Variants in PADI2 observed in about 807,000 individuals in gnomAD.
PADI2 encodes the protein protein-arginine deiminase type-2.
PADI2 carries 70 observed loss-of-function variants against 81.1 expected under a neutral mutation model. The ratio of observed to expected loss-of-function variants is 0.86; its 90% CI spans 0.71 to 1.05. The LOEUF (loss-of-function observed/expected upper bound fraction) is 1.05, where lower values mean the gene tolerates loss of function less well. PADI2 is among the 50% of genes least tolerant of loss of function. The pLI is 0.00. For synonymous variants in PADI2, 338 were observed against 358.0 expected (o/e 0.94, Z 0.63); for missense variants, 853 against 889.9 (o/e 0.96, Z 0.53).
At chr1:17,075,180 G>T (rs901336687) in intron 12 of PADI2, 14 of 454,030 alleles carry the variant, frequency 3.1e-5, no homozygotes, top group Non-Finnish European at 5.5e-5. Context: ...AGGTGGACTT[G>T]GACAGGACAT....
rs1418311219 is a variant in PADI2 at position 17,068,877 on chromosome 1, T to C, written c.*167A>G. ...CACTGGGGATGGCTTCAGAGGACAC[T>C]GAGGCCCCTCTCAGGGAGGGCAAGG... On this transcript the variant is annotated 3_prime_UTR_variant, in exon 16 of 16. Transcript: ENST00000375486. 1 of 623,378 alleles carries C rather than the reference T, an allele frequency of 1.6e-6. No homozygotes were observed. Among genetic ancestry groups the C allele is most frequent in the East Asian group, 2.7e-5 (1 of 36,692 alleles). The allele number at this position is 623,378 out of a possible 1,614,324, so 38.6% of individuals were successfully genotyped here.
Position 17,088,925 on chromosome 1 carries a change from A to C in PADI2, c.656-2226T>G, listed in dbSNP as rs11203296. On this transcript the variant is annotated intron_variant, in intron 6 of 15. Transcript: ENST00000375486. ...CCATCTCAAAAAAAAAAAAAAAAAA[A>C]AAAAAACCAAGCCTCAGAGAATTCA... is the stretch of plus-strand genomic sequence containing the variant. Among the ~76,000 whole-genome samples the C allele has an allele frequency of 1.1e-3, 89 of 83,356 alleles. 1 individual carries two copies. Among genetic ancestry groups the C allele is most frequent in the Middle Eastern group, 8.5e-3 (1 of 118 alleles). The allele number at this position is 83,356 out of a possible 152,430, so 54.7% of individuals were successfully genotyped here.
intron 11 of PADI2, among the ~76,000 whole-genome samples, chr1:17,077,052 C>T (rs1365154001): frequency 6.6e-6 from 1 of 152,164 alleles, no homozygotes; most frequent in Non-Finnish European, 1.5e-5. Context: ...ACCTGCTACA[C>T]TTGCTATCCC....
At chr1:17,114,961 T>G (rs762639153) in intron 1 of PADI2, among the ~76,000 whole-genome samples, 26 of 152,114 alleles carry the variant, frequency 1.7e-4, no homozygotes, top group Non-Finnish European at 3.2e-4. Flanking sequence ...TGGCACACTA[T>G]GGGGAGGGGA....
At chr1:17,104,843 C>A in intron 2 of PADI2, 35 bp downstream of exon 2, 1 of 1,524,342 alleles carries the variant, frequency 6.6e-7, no homozygotes, top group Non-Finnish European at 8.8e-7. Context: ...GGCATGGTCC[C>A]GGGCCCGCAG....
chr1:17,098,758 A>G (rs1397953268), intron 3 of PADI2, among the ~76,000 whole-genome samples: 1 of 151,970 alleles, frequency 6.6e-6, no homozygotes, highest in African/African-American at 2.4e-5. Flanking sequence ...TGGCCCCTTC[A>G]CCCTCAGAGA....
rs1468665733 is a variant in PADI2, at chr1:17,102,973, C to T, written c.349+14G>A. 5 of 1,600,682 alleles carry T rather than the reference C, an allele frequency of 3.1e-6. No individual in the cohort carries two copies. The African/African-American group carries it at 5.4e-5, about 17-fold the overall frequency. On this transcript the variant is annotated intron_variant, in intron 3 of 15. Transcript: ENST00000375486. The stretch of plus-strand genomic sequence containing the variant: ...GGTGATGAAGGCACTGAGACGGCAA[C>T]CATGCCAACTCACCAATGGCTGTGA...
chr1:17,082,456 G>A, intron 10 of PADI2, 89 bp downstream of exon 10: 1 of 834,880 alleles, frequency 1.2e-6, no homozygotes, highest in Admixed American at 1.9e-5. Flanking sequence ...AGATGAATGT[G>A]TCAAGGCGGC....
rs1370202807 is a variant in PADI2 at position 17,086,581 on chromosome 1, G to A, written c.774C>T (p.Pro258=). 3 of 1,614,028 alleles carry A rather than the reference G, an allele frequency of 1.9e-6. No individual in the cohort carries two copies. Among genetic ancestry groups the A allele is most frequent in the South Asian group, 2.2e-5 (2 of 91,084 alleles). The change falls in exon 7 of 16, where the codon CCC becomes CCT. Residue 258 remains proline, a synonymous_variant. Transcript: ENST00000375486. The part of the protein sequence containing the change: ...LLFFVEGLCF[P]DEGFSGLVSI... ...AGACCAGGCCTGAGAAGCCCTCGTC[G>A]GGGAAACAGAGGCCTTCCACGAAGA...
Position 17,069,099 on chromosome 1 carries a change from C to T in PADI2, c.1943G>A (p.Gly648Asp). 2 of 1,614,228 alleles carry T rather than the reference C, an allele frequency of 1.2e-6. No homozygotes were observed. The highest frequency in any genetic ancestry group is 1.7e-6 in the Non-Finnish European group (2 of 1,180,034). The change falls in exon 16 of 16, where the codon GGC becomes GAC. Residue 648 changes from glycine (G) to aspartate (D), a missense_variant. By Grantham distance (94) the Gly-to-Asp change is moderately conservative (BLOSUM62 -1). Transcript: ENST00000375486. The part of the protein sequence containing the change: ...YHKFLGEVHC[G>D]TNVRRKPFTF... ...GAAGGGCTTCCTGCGGACGTTGGTG[C>T]CACAGTGGACTTCCCCCAGAAATTT...
chr1:17,078,391 G>T (rs374428885), intron 11 of PADI2, among the ~76,000 whole-genome samples: 1 of 150,834 alleles, frequency 6.6e-6, no homozygotes, highest in Non-Finnish European at 1.5e-5. Flanking sequence ...GATTACAGGC[G>T]TGAGCCACCG....
rs759672551 is a variant in PADI2, at chr1:17,095,941, C to A, written c.379G>T (p.Asp127Tyr). The change falls in exon 4 of 16, where the codon GAT becomes TAT. Residue 127 changes from aspartate to tyrosine, a missense_variant. Physicochemically the swap from Asp to Tyr is radical, Grantham distance 160 (BLOSUM62 -3). Transcript: ENST00000375486. ...GGGTTGTTCTTCTCCACCACACCAT[C>A]CCGGTCTGCGTCCACATCCAGGGAG... ...EISLDVDADR[D>Y]GVVEKNNPKK... 3.1e-6 allele frequency: 5 copies of A among 1,608,124 alleles called. No individual in the cohort carries two copies. The highest frequency in any genetic ancestry group is 2.7e-5 in the African/African-American group (2 of 74,884).
At position 17,069,229 on chromosome 1, in the gene PADI2, C is replaced by A. The variant is rs775961807; in HGVS notation, c.1813G>T (p.Gly605Trp). 1 of 1,614,236 alleles carries A rather than the reference C, an allele frequency of 6.2e-7. No homozygotes were observed. Among genetic ancestry groups the A allele is most frequent in the Non-Finnish European group, 8.5e-7 (1 of 1,180,034 alleles). Residue 605 changes from glycine to tryptophan, a missense_variant, in exon 16 of 16, where the codon GGG becomes TGG. Coordinates refer to ENST00000375486, the MANE Select transcript of PADI2 (RefSeq NM_007365.3). ...CAGCATTCCTCCTCAACCTGTGGCCCGAATGGCTTGGGGATGCCCAGGTCC... is the reference window on the plus strand; with the variant it reads ...CAGCATTCCTCCTCAACCTGTGGCCAGAATGGCTTGGGGATGCCCAGGTCC... ...DKDLGIPKPF[G>W]PQVEEECCLE... is the part of the protein sequence containing the mutation.
At position 17,111,587 on chromosome 1, in the gene PADI2, TA is replaced by T. The variant is rs113855519; in HGVS notation, c.93-6527del. Among the ~76,000 whole-genome samples, 1,420 of 147,508 alleles carry T rather than the reference TA, an allele frequency of 9.6e-3. 22 individuals are homozygous for T. Among genetic ancestry groups the T allele is most frequent in the East Asian group, 0.036 (184 of 5,062 alleles). ...AATTACACCATTGCAGTGCTGACTG[TA>T]AAAAAAAAAAATTAAACCAGAGATT... On this transcript the variant is annotated intron_variant, in intron 1 of 15. Transcript: ENST00000375486.
intron 6 of PADI2, among the ~76,000 whole-genome samples, chr1:17,087,898 A>G (rs961927487): frequency 6.6e-6 from 1 of 152,218 alleles, no homozygotes; most frequent in Non-Finnish European, 1.5e-5. Context: ...GTCATGTTTA[A>G]CAAATGTCTA....
At chr1:17,114,287 T>C (rs1367012136) in intron 1 of PADI2, among the ~76,000 whole-genome samples, 1 of 152,210 alleles carries the variant, frequency 6.6e-6, no homozygotes, top group Non-Finnish European at 1.5e-5. Context: ...CATTCATTCA[T>C]TCGTTCATTC....
rs750503807 is a variant in PADI2, at chr1:17,115,224, T to G, written c.92+4056A>C. Among the ~76,000 whole-genome samples the G allele has an allele frequency of 1.3e-5, 2 of 152,252 alleles. No individual in the cohort carries two copies. The highest frequency in any genetic ancestry group is 2.4e-5 in the African/African-American group (1 of 41,468). On this transcript the variant is annotated intron_variant, in intron 1 of 15. Coordinates refer to ENST00000375486, the MANE Select transcript of PADI2 (RefSeq NM_007365.3). This position sits in a 1 kb window ranked among gnomAD's most constrained non-coding sequence, Gnocchi z 4.1. ...ATTACTAGCTGACATTTATCTTCTT[T>G]CTGTCTTCTACTGGGACAATGGCTG...
chr1:17,079,663 TGTGA>T (rs1461959996), intron 10 of PADI2, among the ~76,000 whole-genome samples: 8 of 151,532 alleles, frequency 5.3e-5, no homozygotes, highest in East Asian at 1.9e-4. Flanking sequence ...TGAGAGTGAG[TGTGA>T]GTGTGAATGT....
intron 6 of PADI2, among the ~76,000 whole-genome samples, chr1:17,087,488 GTTTGTTTA>G (rs1213599816): frequency 7.3e-6 from 1 of 137,072 alleles, no homozygotes; most frequent in Non-Finnish European, 1.6e-5. Context: ...ATGTTTGTTT[GTTTGTTTA>G]TTTATTTATT....
Sources: allele counts gnomAD v4.1 joint callset (sites outside exome capture counted in the v4.1 genomes callset), GRCh38; gene constraint gnomAD v4.1.1; non-coding constraint Gnocchi (gnomAD v3.1); transcripts MANE v1.5; gene names NCBI Gene and HGNC (gene_info 2026-07-23, HGNC 2026-07-21).